Variants in TENM2 observed in about 807,000 individuals in gnomAD.
TENM2 encodes teneurin-2.
In TENM2, 52 loss-of-function variants were observed where a neutral mutation model predicts 245.2. That is an observed-to-expected ratio of 0.21 (90% confidence interval 0.17 to 0.27). The LOEUF is 0.27. Ranked by LOEUF, TENM2 falls within the 10% of genes least tolerant of loss-of-function variation. The pLI is 1.00. For synonymous variants in TENM2, 1,363 were observed against 1,438.9 expected, an observed-to-expected ratio of 0.95 and a Z score of 1.19; for missense variants, 3,046 against 3,666.8, an observed-to-expected ratio of 0.83 and a Z score of 4.37.
chr5:168,017,385 A>G (rs1785747798), intron 5 of TENM2, among the ~76,000 whole-genome samples: 1 of 152,236 alleles, frequency 6.6e-6, no homozygotes, highest in African/African-American at 2.4e-5. Context: ...GTAATAAGAC[A>G]ATGGCTATTA....
At chr5:167,187,707 T>G in the TENM2 span, among the ~76,000 whole-genome samples, 5 of 152,144 alleles carry the variant, frequency 3.3e-5, no homozygotes, top group Non-Finnish European at 7.4e-5. Flanking sequence ...TCTTTTCAGC[T>G]GATGTAAGTT....
At chr5:167,882,141 AGACAGTG>A (rs1773929299) in intron 3 of TENM2, among the ~76,000 whole-genome samples, 1 of 152,210 alleles carries the variant, frequency 6.6e-6, no homozygotes, top group African/African-American at 2.4e-5. Context: ...GATATACAAC[AGACAGTG>A]AAAGCGTTGT....
chr5:167,751,959 C>T (rs922473044), intron 2 of TENM2, among the ~76,000 whole-genome samples: 1 of 151,874 alleles, frequency 6.6e-6, no homozygotes, highest in South Asian at 2.1e-4. Context: ...ATAATACACA[C>T]ACACACACAC....
At chr5:167,634,002 G>T (rs1031656437) in intron 2 of TENM2, among the ~76,000 whole-genome samples, 1 of 152,132 alleles carries the variant, frequency 6.6e-6, no homozygotes, top group Non-Finnish European at 1.5e-5. Flanking sequence ...AATACCATGG[G>T]TGTTGTAACT....
chr5:167,515,637 A>G lies in TENM2; in HGVS notation c.502+140164A>G, dbSNP rs979941313. Among the ~76,000 whole-genome samples the G allele has an allele frequency of 1.9e-4, 27 of 139,760 alleles. 2 individuals are homozygous for G. In the East Asian group the frequency reaches 2.3e-3, roughly 12 times the overall value. 91.7% of individuals were successfully genotyped at this position (139,760 alleles called of 152,430 possible). ...TATATATACATATATATACATATATATGTATATATATACACATATATACGT... is the reference window on the plus strand; with the variant it reads ...TATATATACATATATATACATATATGTGTATATATATACACATATATACGT... On this transcript the variant is annotated intron_variant, in intron 2 of 28. Transcript: ENST00000518659.
intron 2 of TENM2, among the ~76,000 whole-genome samples, chr5:167,777,685 C>T (rs1224751421): frequency 6.6e-6 from 1 of 152,166 alleles, no homozygotes; most frequent in Admixed American, 6.5e-5. Context: ...AAATAAAGCA[C>T]ATAAAAATCT....
At chr5:167,103,931 C>T in the TENM2 span, among the ~76,000 whole-genome samples, 63 of 151,990 alleles carry the variant, frequency 4.1e-4, no homozygotes, top group African/African-American at 1.5e-3. Flanking sequence ...GGCTCAGCAT[C>T]GTGACACCAC....
At chr5:167,753,373 G>A (rs1315699913) in intron 2 of TENM2, among the ~76,000 whole-genome samples, 3 of 152,142 alleles carry the variant, frequency 2.0e-5, no homozygotes, top group Non-Finnish European at 4.4e-5. Context: ...GGGGTAAATC[G>A]ATTGAAATTG....
At chr5:167,644,494 A>C (rs1779803068) in intron 2 of TENM2, among the ~76,000 whole-genome samples, 1 of 152,220 alleles carries the variant, frequency 6.6e-6, no homozygotes, top group African/African-American at 2.4e-5. Context: ...TTGTAATGAC[A>C]AAACAATAAT....
At chr5:167,199,666 A>C in the TENM2 span, among the ~76,000 whole-genome samples, 1 of 152,044 alleles carries the variant, frequency 6.6e-6, no homozygotes, top group African/African-American at 2.4e-5. Context: ...CCTTCGCCTC[A>C]CATTTTCTCC....
chr5:167,006,736 G>A, the TENM2 span, among the ~76,000 whole-genome samples: 33 of 151,318 alleles, frequency 2.2e-4, no homozygotes, highest in South Asian at 6.3e-4. Flanking sequence ...GAGTGATCTC[G>A]GCTCACTGCA....
intron 5 of TENM2, among the ~76,000 whole-genome samples, chr5:168,026,981 A>G (rs796092179): frequency 5.9e-5 from 9 of 152,280 alleles, no homozygotes; most frequent in African/African-American, 2.2e-4. Flanking sequence ...AAGAATATCA[A>G]ATTAGGAGGA....
At chr5:167,249,532 C>T in the TENM2 span, among the ~76,000 whole-genome samples, 1 of 152,038 alleles carries the variant, frequency 6.6e-6, no homozygotes, top group Non-Finnish European at 1.5e-5. Flanking sequence ...TTTTATCCAC[C>T]TACTCTGTGC....
chr5:167,077,124 C>T, the TENM2 span, among the ~76,000 whole-genome samples: 1 of 152,142 alleles, frequency 6.6e-6, no homozygotes, highest in Non-Finnish European at 1.5e-5. Context: ...CTGTGCCTGG[C>T]CTGAACTGTT....
the TENM2 span, among the ~76,000 whole-genome samples, chr5:167,134,173 CA>C: frequency 6.6e-6 from 1 of 151,674 alleles, no homozygotes; most frequent in Non-Finnish European, 1.5e-5. Context: ...TATTAAAAGT[CA>C]AAAAAAGAAA....
At chr5:167,084,592 C>G in the TENM2 span, among the ~76,000 whole-genome samples, 1 of 151,772 alleles carries the variant, frequency 6.6e-6, no homozygotes, top group Non-Finnish European at 1.5e-5. Flanking sequence ...TACACTATGT[C>G]ATCACTTTGG....
intron 2 of TENM2, among the ~76,000 whole-genome samples, chr5:167,866,443 A>G (rs1352683363): frequency 6.6e-6 from 1 of 150,424 alleles, no homozygotes; most frequent in Non-Finnish European, 1.5e-5. Context: ...GGCTGCAGTG[A>G]GCCAAGATGG....
At chr5:167,064,779 C>G in the TENM2 span, among the ~76,000 whole-genome samples, 1 of 152,096 alleles carries the variant, frequency 6.6e-6, no homozygotes, top group African/African-American at 2.4e-5. Flanking sequence ...TAAAAGCAAA[C>G]CTTTGTTTTG....
intron 1 of TENM2, among the ~76,000 whole-genome samples, chr5:167,364,091 G>A (rs542503942): frequency 8.1e-5 from 12 of 148,530 alleles, no homozygotes; most frequent in Non-Finnish European, 1.7e-4. Context: ...AGAGAAAAAG[G>A]GTAGCGTAAG....
Sources: gnomAD v4.1 joint callset for allele counts (sites outside exome capture counted in the v4.1 genomes callset) on GRCh38, gnomAD v4.1.1 for gene constraint, MANE v1.5 for transcripts, NCBI Gene and HGNC (gene_info 2026-07-23, HGNC 2026-07-21) for gene names.